AKR1C8: variants seen among roughly 807,000 people sequenced by gnomAD.
AKR1C8 encodes aldo-keto reductase family 1 member C8.
the AKR1C8 span, chr10:5,122,243 G>A: frequency 1.5e-5 from 4 of 269,902 alleles, no homozygotes; most frequent in South Asian, 1.6e-4. Flanking sequence ...GACTTTGCAA[G>A]GGGCAAAGGC....
chr10:5,146,823 A>T, the AKR1C8 span, among the ~76,000 whole-genome samples: 4 of 152,086 alleles, frequency 2.6e-5, no homozygotes, highest in African/African-American at 9.7e-5. Context: ...CAATGTCTAG[A>T]AGGGTTATCT....
the AKR1C8 span, among the ~76,000 whole-genome samples, chr10:5,169,137 T>C: frequency 6.6e-6 from 1 of 152,174 alleles, no homozygotes; most frequent in Non-Finnish European, 1.5e-5. Context: ...TGAGCTGTCT[T>C]TTCTGTGTTT....
the AKR1C8 span, among the ~76,000 whole-genome samples, chr10:5,139,888 A>C: frequency 6.6e-6 from 1 of 152,168 alleles, no homozygotes; most frequent in Non-Finnish European, 1.5e-5. Context: ...AATTTTTGCA[A>C]CCTACCCATC....
the AKR1C8 span, among the ~76,000 whole-genome samples, chr10:5,176,102 T>A: frequency 6.6e-6 from 1 of 152,026 alleles, no homozygotes; most frequent in Non-Finnish European, 1.5e-5. Flanking sequence ...AGGGTTTTTA[T>A]GGTTTTAAGT....
chr10:5,138,796 A>G, the AKR1C8 span, among the ~76,000 whole-genome samples: 1 of 152,098 alleles, frequency 6.6e-6, no homozygotes, highest in Non-Finnish European at 1.5e-5. Flanking sequence ...CTCCTATTCA[A>G]CATAGGAGCA....
At chr10:5,155,519 C>T in the AKR1C8 span, 1 of 295,632 alleles carries the variant, frequency 3.4e-6, no homozygotes. Context: ...AGATTGAGTC[C>T]TGGAGGAAAC....
chr10:5,124,962 A>C, the AKR1C8 span, among the ~76,000 whole-genome samples: 96 of 152,212 alleles, frequency 6.3e-4, 1 homozygote, highest in South Asian at 0.02. Flanking sequence ...TATAACTTCT[A>C]ATTTACAGAA....
chr10:5,130,600 A>G, the AKR1C8 span, among the ~76,000 whole-genome samples: 1 of 151,992 alleles, frequency 6.6e-6, no homozygotes, highest in Non-Finnish European at 1.5e-5. Flanking sequence ...AAATCAATGT[A>G]CAGAAATTGA....
chr10:5,157,660 TGA>T, the AKR1C8 span: 1 of 472,628 alleles, frequency 2.1e-6, no homozygotes, highest in Non-Finnish European at 4.4e-6. Context: ...GATTCTCTCC[TGA>T]GAGAAGCTCT....
the AKR1C8 span, among the ~76,000 whole-genome samples, chr10:5,180,564 TGC>T: frequency 1.2e-4 from 18 of 152,216 alleles, no homozygotes; most frequent in African/African-American, 4.1e-4. Context: ...TGTTTGTCTG[TGC>T]CCTGCCCCCA....
the AKR1C8 span, among the ~76,000 whole-genome samples, chr10:5,156,569 TTCTC>T: frequency 6.7e-6 from 1 of 149,922 alleles, no homozygotes; most frequent in Non-Finnish European, 1.5e-5. Flanking sequence ...ATTTATCTCT[TTCTC>T]TATATGTATC....
chr10:5,180,737 A>T, the AKR1C8 span, among the ~76,000 whole-genome samples: 1 of 152,182 alleles, frequency 6.6e-6, no homozygotes. Context: ...GTTTGATCTC[A>T]GACTGCTGTG....
At chr10:5,123,484 G>A in the AKR1C8 span, 5 of 481,402 alleles carry the variant, frequency 1.0e-5, no homozygotes, top group African/African-American at 7.9e-5. Flanking sequence ...GCTGGATTCA[G>A]TTTGTTAGGC....
the AKR1C8 span, among the ~76,000 whole-genome samples, chr10:5,169,438 G>C: frequency 1.2e-3 from 183 of 152,250 alleles, 1 homozygote; most frequent in African/African-American, 4.3e-3. Flanking sequence ...CCATGATTCT[G>C]TTGGTTAAAA....
At chr10:5,149,291 A>G in the AKR1C8 span, among the ~76,000 whole-genome samples, 1 of 152,254 alleles carries the variant, frequency 6.6e-6, no homozygotes, top group East Asian at 1.9e-4. Context: ...CCTAGATTTT[A>G]TCAAAGACAA....
the AKR1C8 span, among the ~76,000 whole-genome samples, chr10:5,141,294 C>T: frequency 6.6e-6 from 1 of 152,142 alleles, no homozygotes; most frequent in Non-Finnish European, 1.5e-5. Flanking sequence ...CTCTACTTCT[C>T]ATTCTACCTT....
At chr10:5,145,950 A>G in the AKR1C8 span, among the ~76,000 whole-genome samples, 2,760 of 152,212 alleles carry the variant, frequency 0.018, 47 homozygotes, top group Non-Finnish European at 0.031. Flanking sequence ...AACCAACCCA[A>G]ATGTCCAACA....
the AKR1C8 span, among the ~76,000 whole-genome samples, chr10:5,141,282 G>A: frequency 6.6e-6 from 1 of 152,028 alleles, no homozygotes; most frequent in Non-Finnish European, 1.5e-5. Context: ...CACATATTAA[G>A]GCTCTACTTC....
chr10:5,119,099 C>A, the AKR1C8 span, among the ~76,000 whole-genome samples: 1 of 152,282 alleles, frequency 6.6e-6, no homozygotes, highest in East Asian at 1.9e-4. Context: ...AATCTACATC[C>A]TCTACCAGAC....
Sources: allele counts gnomAD v4.1 joint callset (sites outside exome capture counted in the v4.1 genomes callset), GRCh38; gene constraint gnomAD v4.1.1; transcripts MANE v1.5; gene names NCBI Gene and HGNC (gene_info 2026-07-23, HGNC 2026-07-21).